SORCS2: variants seen among roughly 807,000 people sequenced by gnomAD.
SORCS2 encodes the protein sortilin related VPS10 domain containing receptor 2.
SORCS2 carries 100 observed loss-of-function variants against 141.6 expected under a neutral mutation model. That is an observed-to-expected ratio of 0.71 (90% CI 0.60 to 0.83). The LOEUF (loss-of-function observed/expected upper bound fraction) is 0.83, where lower values mean the gene tolerates loss of function less well. Ranked by LOEUF, SORCS2 falls within the 40% of genes least tolerant of loss-of-function variation. SORCS2 has a pLI of 0.00. For synonymous variants in SORCS2, 789 were observed against 676.9 expected (o/e 1.17, Z -2.57); for missense variants, 1,646 against 1,560.2 (o/e 1.05, Z -0.93).
At chr4:7,680,821 G>T (rs1396752599) in intron 9 of SORCS2, among the ~76,000 whole-genome samples, 1 of 152,198 alleles carries the variant, frequency 6.6e-6, no homozygotes, top group Non-Finnish European at 1.5e-5. Context: ...GCAGCCCTGA[G>T]TCTCTGAGAG....
At chr4:7,401,829 C>G (rs988619088) in intron 2 of SORCS2, among the ~76,000 whole-genome samples, 1 of 151,978 alleles carries the variant, frequency 6.6e-6, no homozygotes, top group Non-Finnish European at 1.5e-5. Flanking sequence ...CTCAGGTTTT[C>G]TCTAGAATGA....
intron 2 of SORCS2, among the ~76,000 whole-genome samples, chr4:7,505,021 A>T (rs1732192683): frequency 6.6e-6 from 1 of 152,098 alleles, no homozygotes; most frequent in South Asian, 2.1e-4. Flanking sequence ...GGTAAACCAA[A>T]GTCAATAGGG....
In SORCS2 at chr4:7,253,549, G is replaced by A. The variant is rs180922363; in HGVS notation, c.480+60423G>A. Among the ~76,000 whole-genome samples, 18 of 152,350 alleles carry A rather than the reference G, an allele frequency of 1.2e-4. No individual in the cohort carries two copies. The East Asian group carries it at 2.9e-3, about 25-fold the overall frequency. ...TTGTTCCCCCACTGAGTGCCGGGGC[G>A]GAGGAGGTGTCCAGGGGGCAGGTGG... On this transcript the variant is annotated intron_variant, in intron 1 of 26. Coordinates refer to ENST00000507866, the MANE Select transcript of SORCS2 (RefSeq NM_020777.3).
chr4:7,298,183 A>C (rs1717205455), intron 1 of SORCS2, among the ~76,000 whole-genome samples: 1 of 152,278 alleles, frequency 6.6e-6, no homozygotes, highest in Admixed American at 6.5e-5. Context: ...CAGGCATGCA[A>C]GACCCCCTGG....
intron 2 of SORCS2, among the ~76,000 whole-genome samples, chr4:7,484,048 C>T (rs17828052): frequency 0.066 from 10,071 of 152,244 alleles, 369 homozygotes; most frequent in East Asian, 0.093. Context: ...TTACTTTCTT[C>T]GAGCATTTAA....
intron 1 of SORCS2, among the ~76,000 whole-genome samples, chr4:7,356,180 G>A (rs1721241108): frequency 6.6e-6 from 1 of 152,220 alleles, no homozygotes; most frequent in Non-Finnish European, 1.5e-5. Context: ...CACTCACCCA[G>A]GACAGGTCCC....
At chr4:7,644,930 C>G (rs929820969) in intron 4 of SORCS2, among the ~76,000 whole-genome samples, 1 of 152,178 alleles carries the variant, frequency 6.6e-6, no homozygotes, top group Non-Finnish European at 1.5e-5. Context: ...TGGTGTTTGT[C>G]TTTTATTAAG....
chr4:7,544,996 GT>G (rs1166328384), intron 3 of SORCS2, among the ~76,000 whole-genome samples: 1 of 152,208 alleles, frequency 6.6e-6, no homozygotes, highest in East Asian at 1.9e-4. Context: ...AGCCTCCCCT[GT>G]GCAGGAGAAA....
At chr4:7,453,802 G>T (rs1728665572) in intron 2 of SORCS2, among the ~76,000 whole-genome samples, 1 of 134,522 alleles carries the variant, frequency 7.4e-6, no homozygotes, top group Non-Finnish European at 1.6e-5. Flanking sequence ...GGAGCTGTGT[G>T]TTAGGGTCAG....
rs115539551 is a variant in SORCS2, at chr4:7,421,985, C to T, written c.548+25630C>T. Among the ~76,000 whole-genome samples, 770 of 152,160 alleles carry T rather than the reference C, an allele frequency of 5.1e-3. 10 individuals carry two copies. The highest frequency in any genetic ancestry group is 0.017 in the African/African-American group (715 of 41,542). The stretch of plus-strand genomic sequence containing the variant: ...TGCTCACTTCCCTTGTCGACCCCCA[C>T]CTCCTCATCTGTGAACTGAAGTGGG... On this transcript the variant is annotated intron_variant, in intron 2 of 26. Transcript: ENST00000507866.
Position 7,515,349 on chromosome 4 carries a change from CA to C in SORCS2, c.549-16180del, listed in dbSNP as rs796426777. 3.2e-4 allele frequency among the ~76,000 whole-genome samples: 48 copies of C among 152,324 alleles called. 1 individual carries two copies. Among genetic ancestry groups the C allele is most frequent in the African/African-American group, 8.9e-4 (37 of 41,570 alleles). ...GGAGGTGCCCAGTGGGAGACTGGGT[CA>C]GGGGCGGATGAGGCCTTCCCTAGGG... On this transcript the variant is annotated intron_variant, in intron 2 of 26. Transcript: ENST00000507866.
chr4:7,673,969 G>A (rs1359266399), intron 8 of SORCS2, among the ~76,000 whole-genome samples: 3 of 152,182 alleles, frequency 2.0e-5, no homozygotes, highest in Admixed American at 6.5e-5. Context: ...AATGACCAAC[G>A]CCCGGATGAC....
In SORCS2 at chr4:7,421,937, C is replaced by T. The variant is rs377704948; in HGVS notation, c.548+25582C>T. On this transcript the variant is annotated intron_variant, in intron 2 of 26. Coordinates refer to ENST00000507866, the MANE Select transcript of SORCS2 (RefSeq NM_020777.3). The stretch of plus-strand genomic sequence containing the variant: ...GGGGCGGGGCTGGGCATCACGCTCC[C>T]TCCCCCATGGTCGACCTTGAGATGC... 1.5e-3 allele frequency among the ~76,000 whole-genome samples: 223 copies of T among 147,998 alleles called. 2 individuals carry two copies. The highest frequency in any genetic ancestry group is 5.1e-3 in the African/African-American group (210 of 41,286).
chr4:7,545,239 C>T (rs967565929), intron 3 of SORCS2, among the ~76,000 whole-genome samples: 2 of 151,984 alleles, frequency 1.3e-5, no homozygotes, highest in African/African-American at 4.8e-5. Context: ...CTCTGGAGTT[C>T]CTCCCTCTTC....
intron 1 of SORCS2, among the ~76,000 whole-genome samples, chr4:7,263,318 C>T (rs1037795693): frequency 1.7e-4 from 26 of 152,274 alleles, no homozygotes; most frequent in African/African-American, 4.3e-4. Flanking sequence ...TGAGGAGTCC[C>T]GGTCCCCTCC....
chr4:7,544,100 GCATCCACCCATC>G (rs1179616489), intron 3 of SORCS2, among the ~76,000 whole-genome samples: 1 of 98,356 alleles, frequency 1.0e-5, no homozygotes, highest in Non-Finnish European at 2.1e-5. Context: ...ACCCATGCAT[GCATCCACCCATC>G]CATCCACCCA....
chr4:7,455,826 G>T (rs191709251), intron 2 of SORCS2, among the ~76,000 whole-genome samples: 1 of 152,196 alleles, frequency 6.6e-6, no homozygotes, highest in African/African-American at 2.4e-5. Flanking sequence ...CTGTGTTGGG[G>T]TCATGCTCTG....
At chr4:7,445,768 G>A (rs1727953091) in intron 2 of SORCS2, among the ~76,000 whole-genome samples, 3 of 152,174 alleles carry the variant, frequency 2.0e-5, no homozygotes, top group South Asian at 2.1e-4. Context: ...CAACCCTCCT[G>A]GGTTGCTGGG....
At chr4:7,650,096 A>G (rs939631047) in intron 4 of SORCS2, among the ~76,000 whole-genome samples, 2 of 152,218 alleles carry the variant, frequency 1.3e-5, no homozygotes, top group Non-Finnish European at 2.9e-5. Flanking sequence ...CAAATGATTC[A>G]TTCTAGACAG....
Sources: allele counts gnomAD v4.1 joint callset (sites outside exome capture counted in the v4.1 genomes callset), GRCh38; gene constraint gnomAD v4.1.1; transcripts MANE v1.5; gene names NCBI Gene and HGNC (gene_info 2026-07-23, HGNC 2026-07-21).